The following ADAM8 variants were observed in gnomAD, a reference collection of about 807,000 sequenced individuals.
ADAM8 encodes ADAM metallopeptidase domain 8.
In ADAM8, 104 loss-of-function variants were observed where a neutral mutation model predicts 102.4. The ratio of observed to expected loss-of-function variants is 1.02; its 90% CI spans 0.87 to 1.20. ADAM8 has a LOEUF of 1.20. ADAM8 is among the 50% of genes most tolerant of loss of function. The pLI, the probability that ADAM8 is intolerant of heterozygous loss-of-function variation, is 0.00. For missense variants in ADAM8, 1,132 were observed against 1,159.0 expected (o/e 0.98, Z 0.34); for synonymous variants, 517 against 485.2 (o/e 1.07, Z -0.86).
At position 133,273,846 on chromosome 10, in the gene ADAM8, G is replaced by A; in HGVS notation, c.307-8C>T. 6.5e-7 allele frequency: 1 copy of A among 1,548,998 alleles called. No homozygotes were observed. Among genetic ancestry groups the A allele is most frequent in the Non-Finnish European group, 8.7e-7 (1 of 1,147,032 alleles). On this transcript the variant is annotated splice_region_variant and splice_polypyrimidine_tract_variant and intron_variant, in intron 4 of 22. Coordinates refer to ENST00000445355, the MANE Select transcript of ADAM8 (RefSeq NM_001109.5). Reference sequence around the variant, plus strand: ...CTGGTAGAAGCAGTGGTCCTGCGGGGGAAGCAGGAGAGGGGTCCACAGGCT... The same window carrying A: ...CTGGTAGAAGCAGTGGTCCTGCGGGAGAAGCAGGAGAGGGGTCCACAGGCT...
intron 9 of ADAM8, 50 bp from the exon 10 acceptor site, chr10:133,272,324 T>G: frequency 7.0e-7 from 1 of 1,430,756 alleles, no homozygotes; most frequent in Non-Finnish European, 9.4e-7. Flanking sequence ...CCTCCCCACT[T>G]CCCTCCCACC....
chr10:133,270,938 A>G lies in ADAM8; in HGVS notation c.1507T>C (p.Cys503Arg). The change falls in exon 14 of 23, where the codon TGC (cysteine) becomes CGC (arginine). Residue 503 changes from cysteine to arginine, a missense_variant. Physicochemically the swap from Cys to Arg is radical, Grantham distance 180. Coordinates refer to ENST00000445355, the MANE Select transcript of ADAM8 (RefSeq NM_001109.5). ...AGTGTGGGACAGGCCCCGTTGTAGC[A>G]GTAGCCCCCGGAGCAGGGCGTGCCG... Reference protein sequence around the residue: ...ENGTPCSGGYCYNGACPTLAQ... With the variant: ...ENGTPCSGGYRYNGACPTLAQ... 3 of 1,612,750 alleles carry G rather than the reference A, an allele frequency of 1.9e-6. No homozygotes were observed. Among genetic ancestry groups the G allele is most frequent in the Non-Finnish European group, 2.5e-6 (3 of 1,179,898 alleles).
chr10:133,265,302 G>A (rs1179558362), intron 21 of ADAM8, among the ~76,000 whole-genome samples: 3 of 146,166 alleles, frequency 2.1e-5, no homozygotes, highest in Non-Finnish European at 4.5e-5. Context: ...CTACCACCAC[G>A]CCCGGCTCCT....
intron 2 of ADAM8, chr10:133,274,702 A>G (rs1846683204): frequency 3.5e-6 from 1 of 288,286 alleles, no homozygotes; most frequent in African/African-American, 2.3e-5. Flanking sequence ...TCAGCCAGGC[A>G]GCAAAGGAGG....
At chr10:133,270,704 C>T (rs1363156164) in intron 15 of ADAM8, 32 bp downstream of exon 15, 1 of 1,580,744 alleles carries the variant, frequency 6.3e-7, no homozygotes, top group Non-Finnish European at 8.6e-7. Flanking sequence ...GGGAACAGCA[C>T]ATGTCCTGGG....
chr10:133,271,135 C>G, intron 13 of ADAM8, 65 bp from the exon 14 acceptor site: 1 of 1,592,780 alleles, frequency 6.3e-7, no homozygotes, highest in Non-Finnish European at 8.6e-7. Flanking sequence ...TCCCTGGTGC[C>G]CCAGGGTCCC....
rs1846495523 is a variant in ADAM8 at position 133,270,805 on chromosome 10, C to T, written c.1565G>A (p.Gly522Asp). Residue 522 changes from glycine (G) to aspartate (D), a missense_variant and splice_region_variant, in exon 15 of 23, where the codon GGT becomes GAT. Gly to Asp is a moderately conservative substitution (Grantham distance 94). Coordinates refer to ENST00000445355, the MANE Select transcript of ADAM8 (RefSeq NM_001109.5). ...GCAGGACTCCTCGGCAGCCTGCCCA[C>T]CTGTGGGACCAGAAGCGGGTTAGCC... ...AQQCQAFWGP[G>D]GQAAEESCFS... The T allele has an allele frequency of 1.2e-6, 2 of 1,606,752 alleles. No individual in the cohort carries two copies. Among genetic ancestry groups the T allele is most frequent in the Non-Finnish European group, 1.7e-6 (2 of 1,175,990 alleles).
In ADAM8 at chr10:133,269,933, T is replaced by C. The variant is rs2136081853; in HGVS notation, c.1827A>G (p.Arg609=). Residue 609 remains arginine, a synonymous_variant, in exon 17 of 23, where the codon AGA becomes AGG. Transcript: ENST00000445355. ...GGCACTGGGCAGAGCAGTTGCTGGA[T>C]CTGTAAACGTGTAAGTCCTGGCAAC... ...KGRCQDLHVY[R]SSNCSAQCHN... 1 of 1,612,750 alleles carries C rather than the reference T, an allele frequency of 6.2e-7. No individual in the cohort carries two copies. Among genetic ancestry groups the C allele is most frequent in the Middle Eastern group, 1.7e-4 (1 of 6,060 alleles).
intron 17 of ADAM8, 92 bp downstream of exon 17, chr10:133,269,789 CCAGGCTCCCCCAGCCT>C: frequency 3.7e-6 from 5 of 1,339,818 alleles, no homozygotes; most frequent in Non-Finnish European, 5.3e-6. Flanking sequence ...ACAGGACACG[CCAGGCTCCCCCAGCCT>C]CAGGCTCCCG....
In ADAM8 at chr10:133,271,943, C is replaced by T. The variant is rs2136086646; in HGVS notation, c.969G>A (p.Lys323=). 6.2e-7 allele frequency: 1 copy of T among 1,611,138 alleles called. No homozygotes were observed. Among genetic ancestry groups the T allele is most frequent in the South Asian group, 1.1e-5 (1 of 91,064 alleles). ...TGGTACAGGCCACGCCCACGGGGTT[C>T]TTGCTGTGGTCCTGCAGGAGGGTCT... ...SSGAVNQDHS[K]NPVGVACTMA... The change falls in exon 11 of 23, where the codon AAG becomes AAA. Residue 323 remains lysine (K), a synonymous_variant. Coordinates refer to ENST00000445355, the MANE Select transcript of ADAM8 (RefSeq NM_001109.5).
chr10:133,264,058 CTTTTTTTTTTTTTT>C (rs3058139), intron 21 of ADAM8, among the ~76,000 whole-genome samples: 2 of 84,042 alleles, frequency 2.4e-5, no homozygotes, highest in African/African-American at 7.3e-5. Flanking sequence ...TTTTCCTTTC[CTTTTTTTTTTTTTT>C]TTTTTTTGAG....
At chr10:133,263,898 C>CCTG in intron 21 of ADAM8, 133 bp from the exon 22 acceptor site, 5 of 744,572 alleles carry the variant, frequency 6.7e-6, no homozygotes, top group Non-Finnish European at 1.0e-5. Context: ...CTGCAGGCTC[C>CCTG]GCCCCCACTG....
chr10:133,263,489 A>C (rs1846225456), intron 22 of ADAM8, among the ~76,000 whole-genome samples, 199 bp downstream of exon 22: 1 of 152,172 alleles, frequency 6.6e-6, no homozygotes, highest in South Asian at 2.1e-4. Context: ...GCATCTGCTG[A>C]GAAGTCCCCT....
At chr10:133,270,531 G>A (rs375183686) in intron 15 of ADAM8, 21 bp from the exon 16 acceptor site, 24 of 1,574,396 alleles carry the variant, frequency 1.5e-5, no homozygotes, top group Admixed American at 5.2e-5. Flanking sequence ...ACGGCAGGTC[G>A]TGGGCCAGCT....
Position 133,272,427 on chromosome 10 carries a change from T to C in ADAM8, c.864A>G (p.Val288=), listed in dbSNP as rs1219347441. The stretch of plus-strand genomic sequence containing the variant: ...CTCCGCCAGCTCACGTGATGAGCTG[T>C]ACGTTGTCATGCAGGTGCCGCCGTG... The part of the protein sequence containing the change: ...QRTRRHLHDN[V]QLITGVDFTG... The change falls in exon 9 of 23, where the codon GTA becomes GTG. Residue 288 remains valine (V), a synonymous_variant. Coordinates refer to ENST00000445355, the MANE Select transcript of ADAM8 (RefSeq NM_001109.5). 2 of 1,593,428 alleles carry C rather than the reference T, an allele frequency of 1.3e-6. No individual in the cohort carries two copies. Among genetic ancestry groups the C allele is most frequent in the African/African-American group, 2.7e-5 (2 of 73,500 alleles).
intron 16 of ADAM8, among the ~76,000 whole-genome samples, 192 bp downstream of exon 16, chr10:133,270,168 C>T (rs544550763): frequency 2.0e-5 from 3 of 152,364 alleles, no homozygotes; most frequent in East Asian, 3.9e-4. Flanking sequence ...CCGCCGGCGA[C>T]GGCCATCAGA....
At chr10:133,274,265 G>A (rs772707139) in intron 2 of ADAM8, 30 bp from the exon 3 acceptor site, 29 of 1,512,200 alleles carry the variant, frequency 1.9e-5, no homozygotes, top group Non-Finnish European at 2.5e-5. Context: ...TCCCAGGTGA[G>A]CAGCCTGCCC....
intron 1 of ADAM8, 172 bp from the exon 2 acceptor site, chr10:133,275,759 A>G: frequency 1.9e-6 from 1 of 524,334 alleles, no homozygotes; most frequent in Non-Finnish European, 3.3e-6. Flanking sequence ...AAAAGACCCC[A>G]GGAGCGCCCC....
At position 133,272,447 on chromosome 10, in the gene ADAM8, GC is replaced by G; in HGVS notation, c.843del (p.Arg282GlyfsTer36). 6.2e-7 allele frequency: 1 copy of G among 1,609,560 alleles called. No individual in the cohort carries two copies. Among genetic ancestry groups the G allele is most frequent in the Non-Finnish European group, 8.5e-7 (1 of 1,179,420 alleles). On this transcript the variant is annotated frameshift_variant, in exon 9 of 23. Coordinates refer to ENST00000445355, the MANE Select transcript of ADAM8 (RefSeq NM_001109.5). LOFTEE classifies it high-confidence loss of function. Reference protein sequence around the residue: ...LLTWQARQRTRRHLHDNVQLI... With the variant: ...LLTWQARQRTXRHLHDNVQLI... The stretch of plus-strand genomic sequence containing the variant: ...AGCTGTACGTTGTCATGCAGGTGCC[GC>G]CGTGTCCGTTGCCGTGCCTGCCAGG...
Sources: gnomAD v4.1 joint callset for allele counts (sites outside exome capture counted in the v4.1 genomes callset) on GRCh38, gnomAD v4.1.1 for gene constraint, MANE v1.5 for transcripts, NCBI Gene and HGNC (gene_info 2026-07-23, HGNC 2026-07-21) for gene names.